The following PAK5 variants were observed in gnomAD, a reference collection of about 807,000 sequenced individuals.
The protein encoded by PAK5 is p21 (RAC1) activated kinase 5.
A neutral mutation model predicts 65.9 loss-of-function variants in PAK5; 16 were observed. That is an observed-to-expected ratio of 0.24 (90% CI 0.16 to 0.37). PAK5 has a LOEUF of 0.37. Ranked by LOEUF, PAK5 falls within the 10% of genes least tolerant of loss-of-function variation. The pLI, the probability that PAK5 is intolerant of heterozygous loss-of-function variation, is 1.00. For synonymous variants in PAK5, 371 were observed against 354.9 expected (o/e 1.05, Z -0.51); for missense variants, 785 against 903.9 (o/e 0.87, Z 1.69).
chr20:9,660,670 G>C (rs954091032), intron 2 of PAK5, among the ~76,000 whole-genome samples: 1 of 152,118 alleles, frequency 6.6e-6, no homozygotes, highest in Admixed American at 6.5e-5. Flanking sequence ...GGTGATATTT[G>C]AGCAAATATT....
intron 1 of PAK5, among the ~76,000 whole-genome samples, chr20:9,822,010 C>A (rs1045935792): frequency 6.6e-6 from 1 of 152,050 alleles, no homozygotes; most frequent in African/African-American, 2.4e-5. Flanking sequence ...GAATGCAGGC[C>A]CGGTGTGGTG....
At chr20:9,754,503 G>A (rs1246350208) in intron 1 of PAK5, among the ~76,000 whole-genome samples, 1 of 152,094 alleles carries the variant, frequency 6.6e-6, no homozygotes, top group Non-Finnish European at 1.5e-5. Flanking sequence ...TTGAGTGCAA[G>A]GTCTGAAAAA....
At chr20:9,561,489 A>G (rs2045589802) in intron 6 of PAK5, among the ~76,000 whole-genome samples, 1 of 152,098 alleles carries the variant, frequency 6.6e-6, no homozygotes, top group Non-Finnish European at 1.5e-5. Context: ...GGCATGTCTT[A>G]TTGCTACAAC....
chr20:9,542,662 T>C lies in PAK5; in HGVS notation c.1928A>G (p.Tyr643Cys), dbSNP rs780056034. ...VIEMIDGEPPYFNEPPLQAMR... is the reference protein window; with the variant it reads ...VIEMIDGEPPCFNEPPLQAMR... ...CGCCTGGAGGGGAGGCTCATTGAAG[T>C]AGGGGGGCTCGCCATCAATCATTTC... The change falls in exon 9 of 10, where the codon TAC becomes TGC. Residue 643 changes from tyrosine to cysteine, a missense_variant. Physicochemically the swap from Tyr to Cys is radical, Grantham distance 194 (BLOSUM62 -2). This residue lies in a region of PAK5 where 110 missense variants were observed against 107.4 expected (regional missense o/e 1.02). Coordinates refer to ENST00000353224, the MANE Select transcript of PAK5 (RefSeq NM_177990.4). 1.2e-6 allele frequency: 2 copies of C among 1,613,852 alleles called. No homozygotes were observed. The highest frequency in any genetic ancestry group is 2.2e-5 in the South Asian group (2 of 91,074).
Position 9,567,061 on chromosome 20 carries a change from G to A in PAK5, c.991-677C>T, listed in dbSNP as rs2045695336. On this transcript the variant is annotated intron_variant, in intron 4 of 9. Coordinates refer to ENST00000353224, the MANE Select transcript of PAK5 (RefSeq NM_177990.4). ...GGATTACTGGTATATGATACAATAT[G>A]TAGGTCCAGCAGTCACTTCCTGGAA... Among the ~76,000 whole-genome samples the A allele has an allele frequency of 2.0e-5, 3 of 152,136 alleles. No homozygotes were observed. In the South Asian group the frequency reaches 6.2e-4, roughly 32 times the overall value.
intron 1 of PAK5, among the ~76,000 whole-genome samples, chr20:9,805,748 A>G (rs2049224072): frequency 6.6e-6 from 1 of 152,196 alleles, no homozygotes; most frequent in Admixed American, 6.5e-5. Context: ...GAGAGTGGAA[A>G]GTTTCTGATA....
At chr20:9,831,608 G>A (rs1192916998) in intron 1 of PAK5, among the ~76,000 whole-genome samples, 2 of 152,128 alleles carry the variant, frequency 1.3e-5, no homozygotes, top group Non-Finnish European at 2.9e-5. Flanking sequence ...CATGGGCTCA[G>A]ACATTCCTTC....
At chr20:9,553,281 G>A (rs555685271) in intron 7 of PAK5, among the ~76,000 whole-genome samples, 5 of 152,230 alleles carry the variant, frequency 3.3e-5, no homozygotes, top group South Asian at 2.1e-4. Context: ...CTAGTTACCC[G>A]GTGAGTTACT....
At position 9,539,160 on chromosome 20, in the gene PAK5, T is replaced by C. The variant is rs1401098951; in HGVS notation, c.*302A>G. ...TCCTACATGTTACCCTGCATGTGGC[T>C]AGGATATATCATAACGGAGTTTGTA... On this transcript the variant is annotated 3_prime_UTR_variant, in exon 10 of 10. Coordinates refer to ENST00000353224, the MANE Select transcript of PAK5 (RefSeq NM_177990.4). 7.3e-6 allele frequency: 2 copies of C among 274,046 alleles called. No homozygotes were observed. The highest frequency in any genetic ancestry group is 4.3e-5 in the African/African-American group (2 of 46,952). The allele number at this position is 274,046 out of a possible 1,614,324, so 17.0% of individuals were successfully genotyped here.
At chr20:9,688,254 C>A (rs1034578958) in intron 2 of PAK5, among the ~76,000 whole-genome samples, 7 of 152,022 alleles carry the variant, frequency 4.6e-5, no homozygotes, top group Admixed American at 1.3e-4. Context: ...CATGAGAAGC[C>A]AGCAGGAAAT....
intron 1 of PAK5, among the ~76,000 whole-genome samples, chr20:9,727,805 C>T (rs1213862264): frequency 2.6e-5 from 4 of 152,030 alleles, no homozygotes; most frequent in African/African-American, 9.7e-5. Context: ...ACTTGGGGCT[C>T]CTGCATGTTG....
chr20:9,551,491 G>A (rs1049607733), intron 7 of PAK5, among the ~76,000 whole-genome samples: 9 of 152,136 alleles, frequency 5.9e-5, no homozygotes, highest in African/African-American at 1.7e-4. Context: ...AGGAATCAGG[G>A]TTCCCACAAA....
At chr20:9,812,298 A>C (rs1471940267) in intron 1 of PAK5, among the ~76,000 whole-genome samples, 1 of 152,138 alleles carries the variant, frequency 6.6e-6, no homozygotes, top group Non-Finnish European at 1.5e-5. Context: ...CAAAAAAAAA[A>C]CGATGTTTAA....
chr20:9,635,188 G>A (rs1025122520), intron 3 of PAK5, among the ~76,000 whole-genome samples: 6 of 152,122 alleles, frequency 3.9e-5, no homozygotes, highest in East Asian at 3.8e-4. Context: ...TAATCATTAA[G>A]TTGGAAGAAC....
intron 1 of PAK5, among the ~76,000 whole-genome samples, chr20:9,773,454 G>T (rs1217512390): frequency 6.6e-6 from 1 of 151,546 alleles, no homozygotes; most frequent in Non-Finnish European, 1.5e-5. Flanking sequence ...TGTTCTCATT[G>T]TTCAATTCTT....
chr20:9,760,971 G>T (rs1164343735), intron 1 of PAK5, among the ~76,000 whole-genome samples: 4 of 151,834 alleles, frequency 2.6e-5, no homozygotes, highest in Non-Finnish European at 5.9e-5. Flanking sequence ...AAAATTACAG[G>T]GCCTGTTCTA....
chr20:9,786,180 G>A (rs140228356), intron 1 of PAK5, among the ~76,000 whole-genome samples: 1 of 152,104 alleles, frequency 6.6e-6, no homozygotes, highest in East Asian at 1.9e-4. Flanking sequence ...CTTTTTAAGA[G>A]GCTTTTCCAG....
chr20:9,605,539 T>C (rs2046438201), intron 3 of PAK5, among the ~76,000 whole-genome samples: 1 of 152,152 alleles, frequency 6.6e-6, no homozygotes, highest in Admixed American at 6.5e-5. Flanking sequence ...ATTGCTAGAT[T>C]GGAGGAAGGA....
rs2045218438 is a variant in PAK5, at chr20:9,539,201, T to G, written c.*261A>C. ...GGAGTTTGTACTGAGTCCTTCTGAT[T>G]TGCTGGATGAAGGGCTGAAAAATAT... On this transcript the variant is annotated 3_prime_UTR_variant, in exon 10 of 10. Coordinates refer to ENST00000353224, the MANE Select transcript of PAK5 (RefSeq NM_177990.4). 5.3e-6 allele frequency: 2 copies of G among 373,960 alleles called. No homozygotes were observed. The highest frequency in any genetic ancestry group is 3.8e-5 in the Admixed American group (1 of 26,270). 23.2% of individuals were successfully genotyped at this position (373,960 alleles called of 1,614,324 possible).
Sources: gnomAD v4.1 joint callset for allele counts (sites outside exome capture counted in the v4.1 genomes callset) on GRCh38, gnomAD v4.1.1 for gene constraint, gnomAD v4.1.1 regional missense constraint, MANE v1.5 for transcripts, NCBI Gene and HGNC (gene_info 2026-07-23, HGNC 2026-07-21) for gene names.